GALNT13: variants seen among roughly 807,000 people sequenced by gnomAD.
GALNT13 encodes the protein polypeptide N-acetylgalactosaminyltransferase 13, also known as UDP-GalNAc:polypeptide N-acetylgalactosaminyltransferase 13.
In GALNT13, 28 loss-of-function variants were observed where a neutral mutation model predicts 64.2. The ratio of observed to expected loss-of-function variants is 0.44; its 90% CI spans 0.32 to 0.60. The LOEUF (loss-of-function observed/expected upper bound fraction) is 0.60. Ranked by LOEUF, GALNT13 falls within the 20% of genes least tolerant of loss-of-function variation. The pLI, the probability that GALNT13 is intolerant of heterozygous loss-of-function variation, is 0.05. For missense variants in GALNT13, 577 were observed against 669.8 expected, an observed-to-expected ratio of 0.86 and a Z score of 1.53; for synonymous variants, 214 against 224.6, an observed-to-expected ratio of 0.95 and a Z score of 0.42.
At chr2:153,739,526 T>G in the GALNT13 span, among the ~76,000 whole-genome samples, 1 of 146,794 alleles carries the variant, frequency 6.8e-6, no homozygotes, top group African/African-American at 2.5e-5. Flanking sequence ...TTTATTTATT[T>G]ATTATTTTTT....
chr2:153,251,020 G>A, the GALNT13 span, among the ~76,000 whole-genome samples: 5 of 152,068 alleles, frequency 3.3e-5, no homozygotes, highest in African/African-American at 1.2e-4. Context: ...TTCTGCACAT[G>A]TATCCCAACA....
At chr2:153,111,784 G>A in the GALNT13 span, among the ~76,000 whole-genome samples, 4 of 152,116 alleles carry the variant, frequency 2.6e-5, no homozygotes, top group South Asian at 6.2e-4. Context: ...AATTTGACCT[G>A]TCCCTCCTTG....
chr2:153,603,305 G>A, the GALNT13 span, among the ~76,000 whole-genome samples: 3 of 151,762 alleles, frequency 2.0e-5, no homozygotes, highest in African/African-American at 7.2e-5. Flanking sequence ...GAATAGCAGC[G>A]ACTCATGTCA....
the GALNT13 span, among the ~76,000 whole-genome samples, chr2:153,532,203 T>C: frequency 6.6e-6 from 1 of 152,132 alleles, no homozygotes; most frequent in Non-Finnish European, 1.5e-5. Flanking sequence ...GGATTTTCCA[T>C]ACATTCTTTG....
chr2:153,715,161 C>T, the GALNT13 span, among the ~76,000 whole-genome samples: 752 of 152,294 alleles, frequency 4.9e-3, 8 homozygotes, highest in African/African-American at 0.018. Flanking sequence ...TGGCCTCACA[C>T]AGCTCAGTTA....
chr2:154,212,596 C>CT (rs1687838363), intron 4 of GALNT13, among the ~76,000 whole-genome samples: 1 of 151,944 alleles, frequency 6.6e-6, no homozygotes, highest in Non-Finnish European at 1.5e-5. Flanking sequence ...CCTCTTGCTT[C>CT]TTTTTCTTCC....
At chr2:153,219,124 C>A in the GALNT13 span, among the ~76,000 whole-genome samples, 3 of 152,180 alleles carry the variant, frequency 2.0e-5, no homozygotes, top group Admixed American at 1.3e-4. Flanking sequence ...AATTAATAGA[C>A]TGTATGCCTC....
chr2:153,990,279 G>T (rs1695077968), intron 3 of GALNT13, among the ~76,000 whole-genome samples: 1 of 152,026 alleles, frequency 6.6e-6, no homozygotes, highest in Non-Finnish European at 1.5e-5. Context: ...AAGAGAAAAA[G>T]ATGTAAGAAA....
chr2:154,143,579 A>G (rs1683390377), intron 4 of GALNT13, among the ~76,000 whole-genome samples: 1 of 151,210 alleles, frequency 6.6e-6, no homozygotes, highest in African/African-American at 2.4e-5. Context: ...AATCTCTGCC[A>G]GGCACGGTGG....
chr2:154,080,657 C>T (rs1701226980), intron 3 of GALNT13, among the ~76,000 whole-genome samples: 1 of 151,660 alleles, frequency 6.6e-6, no homozygotes, highest in Admixed American at 6.6e-5. Flanking sequence ...TTCCAATATA[C>T]ATTCATAGTT....
chr2:154,242,009 C>T, intron 4 of GALNT13, 21 bp from the exon 5 acceptor site: 2 of 1,505,194 alleles, frequency 1.3e-6, no homozygotes, highest in Non-Finnish European at 1.8e-6. Context: ...ATTAAGATCC[C>T]TCTTCTTTTC....
intron 3 of GALNT13, among the ~76,000 whole-genome samples, chr2:153,988,073 TAC>T (rs70981691): frequency 0.18 from 26,803 of 145,926 alleles, 3,093 homozygotes; most frequent in Non-Finnish European, 0.26. Flanking sequence ...TATATATATA[TAC>T]ACACACACAC....
At chr2:153,867,931 TC>T (rs1234205058), upstream of GALNT13, among the ~76,000 whole-genome samples, 1 of 152,136 alleles carries the variant, frequency 6.6e-6, no homozygotes, top group Non-Finnish European at 1.5e-5. Context: ...GGCTCACCCA[TC>T]CCTCATATCC....
the GALNT13 span, among the ~76,000 whole-genome samples, chr2:153,751,839 A>G: frequency 6.6e-6 from 1 of 151,426 alleles, no homozygotes; most frequent in African/African-American, 2.4e-5. Context: ...CAATGTTATT[A>G]TTTATATGTA....
chr2:153,288,263 C>G, the GALNT13 span, among the ~76,000 whole-genome samples: 1 of 152,068 alleles, frequency 6.6e-6, no homozygotes, highest in African/African-American at 2.4e-5. Context: ...AGAATGTGCC[C>G]TATATGTGTG....
At chr2:153,399,423 A>G in the GALNT13 span, among the ~76,000 whole-genome samples, 2 of 152,116 alleles carry the variant, frequency 1.3e-5, no homozygotes, top group South Asian at 2.1e-4. Context: ...TTTTAGTTCC[A>G]TATGAACTTT....
chr2:153,686,416 T>A, the GALNT13 span, among the ~76,000 whole-genome samples: 1 of 152,058 alleles, frequency 6.6e-6, no homozygotes, highest in Non-Finnish European at 1.5e-5. Flanking sequence ...CAACTGTGAA[T>A]GCTAGTTCAT....
chr2:154,153,584 C>A (rs1456789766), intron 4 of GALNT13, among the ~76,000 whole-genome samples: 1 of 152,334 alleles, frequency 6.6e-6, no homozygotes, highest in Middle Eastern at 3.4e-3. Context: ...TGGGCTCCAC[C>A]CATTTCGAGC....
intron 12 of GALNT13, among the ~76,000 whole-genome samples, chr2:154,440,502 C>A (rs1249880913): frequency 6.6e-6 from 1 of 151,746 alleles, no homozygotes; most frequent in Non-Finnish European, 1.5e-5. Context: ...TAAATGATTT[C>A]TATAAATTTA....
Sources: gnomAD v4.1 joint callset for allele counts (sites outside exome capture counted in the v4.1 genomes callset) on GRCh38, gnomAD v4.1.1 for gene constraint, MANE v1.5 for transcripts, NCBI Gene and HGNC (gene_info 2026-07-23, HGNC 2026-07-21) for gene names.